Variants in RRAS2 observed in about 807,000 individuals in gnomAD.
RRAS2 encodes the protein ras-related protein R-Ras2.
Under a neutral mutation model 27.6 loss-of-function variants are expected in RRAS2, and 7 were observed. The ratio of observed to expected loss-of-function variants is 0.25; its 90% CI spans 0.14 to 0.48. The LOEUF is 0.48. Among genes scored for constraint, RRAS2 ranks in the 20% least tolerant of loss-of-function variants. The pLI is 0.99. For missense variants in RRAS2, 178 were observed against 256.2 expected (o/e 0.69, Z 2.08); for synonymous variants, 86 against 90.9 (o/e 0.95, Z 0.31).
At position 14,293,102 on chromosome 11, in the gene RRAS2, C is replaced by T. The variant is rs1438406040; in HGVS notation, c.408+1369G>A. On this transcript the variant is annotated intron_variant, in intron 4 of 5. Coordinates refer to ENST00000256196, the MANE Select transcript of RRAS2 (RefSeq NM_012250.6). ...CAGCCTGGGCGACAGAACGAGACTC[C>T]GTCTCAAAACAAAACAAAACAAATA... Among the ~76,000 whole-genome samples, 7 of 106,820 alleles carry T rather than the reference C, an allele frequency of 6.6e-5. 1 individual carries two copies. The highest frequency in any genetic ancestry group is 1.1e-4 in the African/African-American group (3 of 26,748). 70.1% of individuals were successfully genotyped at this position (106,820 alleles called of 152,430 possible).
chr11:14,284,371 T>C (rs1849612030), intron 4 of RRAS2, among the ~76,000 whole-genome samples: 1 of 152,234 alleles, frequency 6.6e-6, no homozygotes, highest in Non-Finnish European at 1.5e-5. Context: ...TTAATTCTAC[T>C]GTGGTCAGGA....
chr11:14,301,987 T>TA (rs1190214390), intron 1 of RRAS2, among the ~76,000 whole-genome samples: 2 of 150,538 alleles, frequency 1.3e-5, no homozygotes, highest in African/African-American at 4.9e-5. Context: ...TTTCAAAAAT[T>TA]AAAATAAATA....
At chr11:14,326,772 T>C (rs1279743701) in intron 1 of RRAS2, among the ~76,000 whole-genome samples, 1 of 76,268 alleles carries the variant, frequency 1.3e-5, no homozygotes, top group East Asian at 3.0e-4. Context: ...ATTAAGAATA[T>C]GATTTTGGCC....
chr11:14,325,085 C>G (rs1466634327), intron 1 of RRAS2, among the ~76,000 whole-genome samples: 4 of 152,078 alleles, frequency 2.6e-5, no homozygotes, highest in African/African-American at 9.7e-5. Context: ...TATATAGTAC[C>G]TCACCTGGAA....
chr11:14,290,168 CG>C (rs1309661802), intron 4 of RRAS2, among the ~76,000 whole-genome samples: 12 of 152,130 alleles, frequency 7.9e-5, no homozygotes, highest in African/African-American at 2.7e-4. Flanking sequence ...AGGTAAAAAC[CG>C]GCTGGGCGCA....
intron 1 of RRAS2, among the ~76,000 whole-genome samples, chr11:14,346,898 T>C (rs929916121): frequency 6.6e-5 from 10 of 152,206 alleles, no homozygotes; most frequent in Admixed American, 3.3e-4. Flanking sequence ...TTCACGCCTA[T>C]AATACCAGCC....
chr11:14,338,812 C>A (rs1848640929), intron 1 of RRAS2, among the ~76,000 whole-genome samples: 1 of 151,976 alleles, frequency 6.6e-6, no homozygotes. Flanking sequence ...GACTCAATCC[C>A]AAATTCTGAT....
At chr11:14,325,344 C>T (rs1364681188) in intron 1 of RRAS2, among the ~76,000 whole-genome samples, 4 of 145,436 alleles carry the variant, frequency 2.8e-5, no homozygotes, top group African/African-American at 1.0e-4. Context: ...CAGAGTCTCG[C>T]TCTGTCGCCC....
chr11:14,320,032 A>T (rs1848192250), intron 1 of RRAS2, among the ~76,000 whole-genome samples: 1 of 152,240 alleles, frequency 6.6e-6, no homozygotes, highest in African/African-American at 2.4e-5. Flanking sequence ...TGTCACCATG[A>T]GAGAGTATAA....
At chr11:14,360,195 T>A (rs1337994092), upstream of RRAS2, among the ~76,000 whole-genome samples, 52 of 139,566 alleles carry the variant, frequency 3.7e-4, 1 homozygote, top group African/African-American at 1.4e-3. Flanking sequence ...ACATGCCATT[T>A]AAAAAAAAAA....
chr11:14,300,373 CG>C (rs1167619397), intron 1 of RRAS2, among the ~76,000 whole-genome samples: 1 of 152,108 alleles, frequency 6.6e-6, no homozygotes, highest in Non-Finnish European at 1.5e-5. Context: ...GAGATAAAAT[CG>C]GGTCTGGCAA....
intron 1 of RRAS2, among the ~76,000 whole-genome samples, chr11:14,347,220 T>G (rs1297799755): frequency 6.6e-6 from 1 of 152,210 alleles, no homozygotes; most frequent in African/African-American, 2.4e-5. Context: ...GAGGATTGTT[T>G]GTAAACACTA....
intron 4 of RRAS2, among the ~76,000 whole-genome samples, chr11:14,282,916 C>G (rs782411022): frequency 4.6e-5 from 7 of 152,116 alleles, no homozygotes; most frequent in Non-Finnish European, 1.0e-4. Flanking sequence ...TATCTTTTAT[C>G]TCCTTTTCCA....
chr11:14,319,098 C>G (rs1244883397), intron 1 of RRAS2, among the ~76,000 whole-genome samples: 7 of 152,160 alleles, frequency 4.6e-5, no homozygotes, highest in African/African-American at 1.7e-4. Context: ...TGGCTCAATT[C>G]TGTGCCCCAA....
intron 1 of RRAS2, among the ~76,000 whole-genome samples, chr11:14,329,015 A>ATATATATATATATATGTATG (rs1425139470): frequency 2.5e-5 from 2 of 80,780 alleles, no homozygotes; most frequent in African/African-American, 9.0e-5. Flanking sequence ...GTGTGTGTAT[A>ATATATATATATATATGTATG]TATATATATA....
At chr11:14,309,342 C>G (rs1847906298) in intron 1 of RRAS2, among the ~76,000 whole-genome samples, 1 of 152,216 alleles carries the variant, frequency 6.6e-6, no homozygotes, top group Admixed American at 6.5e-5. Context: ...CTCACCACCC[C>G]ACTTAATCTA....
intron 4 of RRAS2, among the ~76,000 whole-genome samples, chr11:14,293,232 CAG>C (rs1218977754): frequency 6.9e-6 from 1 of 144,620 alleles, no homozygotes; most frequent in Non-Finnish European, 1.5e-5. Flanking sequence ...CAGCTAAAAT[CAG>C]AGACAGTTAC....
intron 1 of RRAS2, chr11:14,342,181 C>A (rs1848725789): frequency 5.8e-6 from 1 of 172,150 alleles, no homozygotes; most frequent in Non-Finnish European, 1.3e-5. Context: ...CCAAGAACTT[C>A]AGAAAGAGTA....
chr11:14,359,304 C>G (rs1435286547), upstream of RRAS2: 1 of 325,594 alleles, frequency 3.1e-6, no homozygotes, highest in African/African-American at 2.2e-5. Context: ...CACGGACACA[C>G]CGCTCTAATC....
Sources: allele counts gnomAD v4.1 joint callset (sites outside exome capture counted in the v4.1 genomes callset), GRCh38; gene constraint gnomAD v4.1.1; transcripts MANE v1.5; gene names NCBI Gene and HGNC (gene_info 2026-07-23, HGNC 2026-07-21).